The following RAPH1 variants were observed in gnomAD, a reference collection of about 807,000 sequenced individuals.
RAPH1 encodes ras-associated and pleckstrin homology domains-containing protein 1.
Under a neutral mutation model 88.1 loss-of-function variants are expected in RAPH1, and 18 were observed. That is an observed-to-expected ratio of 0.20 (90% CI 0.14 to 0.30). The LOEUF is 0.30. Among genes scored for constraint, RAPH1 ranks in the 10% least tolerant of loss-of-function variants. The probability of loss-of-function intolerance (pLI) is 1.00; values close to 1 mark genes in which losing one functional copy is unlikely to be tolerated. For synonymous variants in RAPH1, 587 were observed against 559.0 expected (o/e 1.05, Z -0.71); for missense variants, 1,448 against 1,543.2 (o/e 0.94, Z 1.03).
In RAPH1 at chr2:203,440,592, G is replaced by T. The variant is rs1382636848; in HGVS notation, c.2598C>A (p.Ala866=). ...GAGTTGGAGGGGGTGGAAACTGGCTGGCTATCTGCTTCACGACCGAGGGCA... is the reference window on the plus strand; with the variant it reads ...GAGTTGGAGGGGGTGGAAACTGGCTTGCTATCTGCTTCACGACCGAGGGCA... The part of the protein sequence containing the change: ...SPVPSVVKQI[A]SQFPPPPTPP... The change falls in exon 14 of 14, where the codon GCC becomes GCA. Residue 866 remains alanine (A), a synonymous_variant. Transcript: ENST00000319170. 6.4e-7 allele frequency: 1 copy of T among 1,554,896 alleles called. No individual in the cohort carries two copies.
chr2:203,447,985 G>T lies in RAPH1; in HGVS notation c.1607C>A (p.Ser536Ter). 6.2e-7 allele frequency: 1 copy of T among 1,613,872 alleles called. No homozygotes were observed. Among genetic ancestry groups the T allele is most frequent in the Non-Finnish European group, 8.5e-7 (1 of 1,179,868 alleles). ...TGGGATGCTGGAAGAACTGGATCCC[G>T]ATTTAATGCTGGAGCTGGATAAGGA... ...WTSLSSSSIK[S>*]GSSSSSIPES... Residue 536 changes from serine (S) to a stop codon, truncating the protein, a stop_gained, in exon 12 of 14, where the codon TCG (serine) becomes TAG (stop). Transcript: ENST00000319170. LOFTEE classifies it high-confidence loss of function.
chr2:203,487,182 G>A (rs1034702687), intron 4 of RAPH1, among the ~76,000 whole-genome samples: 5 of 152,202 alleles, frequency 3.3e-5, no homozygotes, highest in East Asian at 3.9e-4. Flanking sequence ...TGTCCCTCAC[G>A]CATCTTAATC....
intron 1 of RAPH1, among the ~76,000 whole-genome samples, chr2:203,506,846 C>CTATATCTATATCTATA: frequency 1.5e-5 from 1 of 66,468 alleles, no homozygotes; most frequent in African/African-American, 1.1e-4. Context: ...ATCTATATAT[C>CTATATCTATATCTATA]TATCTATATC....
At chr2:203,504,431 CA>C (rs1332189662) in intron 1 of RAPH1, among the ~76,000 whole-genome samples, 1 of 152,218 alleles carries the variant, frequency 6.6e-6, no homozygotes, top group African/African-American at 2.4e-5. Context: ...TGGCCCCTTT[CA>C]GCCACAGCTG....
chr2:203,534,310 T>C (rs1690514014), intron 1 of RAPH1, among the ~76,000 whole-genome samples: 1 of 152,166 alleles, frequency 6.6e-6, no homozygotes, highest in Non-Finnish European at 1.5e-5. Context: ...GCAAGACACA[T>C]GTAACACTTA....
At chr2:203,456,023 A>AACAAAG (rs2098519173) in intron 8 of RAPH1, among the ~76,000 whole-genome samples, 2 of 150,332 alleles carry the variant, frequency 1.3e-5, no homozygotes, top group South Asian at 4.2e-4. Flanking sequence ...CAAAAACAAA[A>AACAAAG]ACAAAAACAA....
intron 1 of RAPH1, among the ~76,000 whole-genome samples, chr2:203,534,219 T>C (rs1015777573): frequency 6.6e-6 from 1 of 152,174 alleles, no homozygotes; most frequent in Non-Finnish European, 1.5e-5. Flanking sequence ...CAACCCTTAT[T>C]GGAAGATTGA....
Position 203,444,743 on chromosome 2 carries a change from G to GA in RAPH1, c.1776+124dup. 4.9e-6 allele frequency: 4 copies of GA among 821,702 alleles called. No homozygotes were observed. In the South Asian group the frequency reaches 7.5e-5, roughly 15 times the overall value. 50.9% of individuals were successfully genotyped at this position (821,702 alleles called of 1,614,324 possible). A position where few individuals can be genotyped will look rare whatever the true frequency, so the allele number is the denominator to read the frequency against. On this transcript the variant is annotated intron_variant, in intron 13 of 13. Transcript: ENST00000319170. ...TTTACCCACTACAATTAGGAAGATT[G>GA]AAAATTAATAAAGGAGACTGAAATA...
At chr2:203,517,856 T>C (rs1377363924) in intron 1 of RAPH1, among the ~76,000 whole-genome samples, 2 of 152,184 alleles carry the variant, frequency 1.3e-5, no homozygotes, top group African/African-American at 4.8e-5. Context: ...GTTTGTGGGA[T>C]GCAACAAAAG....
intron 1 of RAPH1, among the ~76,000 whole-genome samples, chr2:203,513,556 C>T (rs891882455): frequency 2.1e-5 from 3 of 145,128 alleles, no homozygotes; most frequent in Non-Finnish European, 3.0e-5. Context: ...AAAAAAAAGG[C>T]CAGGCGCGGT....
chr2:203,513,192 C>T (rs539318752), intron 1 of RAPH1, among the ~76,000 whole-genome samples: 7 of 148,222 alleles, frequency 4.7e-5, no homozygotes, highest in Admixed American at 4.0e-4. Context: ...CCCTCACTTT[C>T]TTAATCTGCA....
intron 1 of RAPH1, among the ~76,000 whole-genome samples, chr2:203,502,086 A>G (rs1186179242): frequency 1.3e-5 from 2 of 152,232 alleles, no homozygotes; most frequent in Non-Finnish European, 2.9e-5. Context: ...AGGGACTAAG[A>G]AGGAAGCAAT....
chr2:203,464,375 G>A (rs891810185), intron 4 of RAPH1, among the ~76,000 whole-genome samples: 19 of 152,144 alleles, frequency 1.2e-4, no homozygotes, highest in African/African-American at 4.1e-4. Context: ...GGGTTCAAGC[G>A]ATTCTCCTGC....
At chr2:203,463,808 T>C (rs1041393458) in intron 4 of RAPH1, among the ~76,000 whole-genome samples, 2 of 152,218 alleles carry the variant, frequency 1.3e-5, no homozygotes, top group African/African-American at 4.8e-5. Context: ...GTTTACGTTT[T>C]AAGATACAAA....
At chr2:203,484,352 T>A (rs1232072891) in intron 4 of RAPH1, among the ~76,000 whole-genome samples, 1 of 152,194 alleles carries the variant, frequency 6.6e-6, no homozygotes, top group Admixed American at 6.5e-5. Context: ...CAACCTTGGC[T>A]CTATTTTGGG....
chr2:203,440,193 A>G lies in RAPH1; in HGVS notation c.2997T>C (p.Ser999=). ...CTGGCGGTGTAAACTTGCTGACTAG[A>G]CTGTCCACCGAGGGTCTCTTGGGCT... is the stretch of plus-strand genomic sequence containing the variant. ...HPEPKRPSVD[S]LVSKFTPPAE... The change falls in exon 14 of 14, where the codon AGT becomes AGC. Residue 999 remains serine, a synonymous_variant. Transcript: ENST00000319170. 1 of 1,613,630 alleles carries G rather than the reference A, an allele frequency of 6.2e-7. No individual in the cohort carries two copies. The highest frequency in any genetic ancestry group is 8.5e-7 in the Non-Finnish European group (1 of 1,179,974).
At chr2:203,498,821 A>T (rs1356900138) in intron 1 of RAPH1, among the ~76,000 whole-genome samples, 1 of 152,240 alleles carries the variant, frequency 6.6e-6, no homozygotes, top group East Asian at 1.9e-4. Context: ...ATGGAGCCAA[A>T]GAGAACTACA....
At position 203,513,686 on chromosome 2, in the gene RAPH1, T is replaced by C. The variant is rs181070940; in HGVS notation, c.1-18333A>G. ...CCCGTCTCTACTAAAAATACAAAAA[T>C]TAGCCAGGTGTGGTGGCAGGCGCCT... On this transcript the variant is annotated intron_variant, in intron 1 of 13. Transcript: ENST00000319170. Among the ~76,000 whole-genome samples the C allele has an allele frequency of 1.9e-3, 288 of 149,974 alleles. 8 individuals carry two copies. The East Asian group carries it at 0.048, about 25-fold the overall frequency.
chr2:203,438,505 TAC>T lies in RAPH1; in HGVS notation c.*930_*931del, dbSNP rs1255812878. On this transcript the variant is annotated 3_prime_UTR_variant, in exon 14 of 14. Transcript: ENST00000319170. ...GAAGGTAACTGGTGACCCAAAGACA[TAC>T]TGGGACAGAACATTACAGAGATAAC... 1 of 243,134 alleles carries T rather than the reference TAC, an allele frequency of 4.1e-6. No individual in the cohort carries two copies. The highest frequency in any genetic ancestry group is 8.1e-6 in the Non-Finnish European group (1 of 122,834). 15.1% of individuals were successfully genotyped at this position (243,134 alleles called of 1,614,324 possible).
Sources: gnomAD v4.1 joint callset for allele counts (sites outside exome capture counted in the v4.1 genomes callset) on GRCh38, gnomAD v4.1.1 for gene constraint, MANE v1.5 for transcripts, NCBI Gene and HGNC (gene_info 2026-07-23, HGNC 2026-07-21) for gene names.